The following MACROD2 variants were observed in gnomAD, a reference collection of about 807,000 sequenced individuals.
MACROD2 encodes the protein mono-ADP ribosylhydrolase 2.
MACROD2 carries 36 observed loss-of-function variants against 70.4 expected under a neutral mutation model. The ratio of observed to expected loss-of-function variants is 0.51; its 90% CI spans 0.39 to 0.68. The LOEUF is 0.68. MACROD2 is among the 30% of genes least tolerant of loss of function. The pLI, the probability that MACROD2 is intolerant of heterozygous loss-of-function variation, is 0.00. For synonymous variants in MACROD2, 172 were observed against 178.8 expected, an observed-to-expected ratio of 0.96 and a Z score of 0.30; for missense variants, 496 against 538.4, an observed-to-expected ratio of 0.92 and a Z score of 0.78.
At chr20:15,753,434 A>G (rs1049111043) in intron 8 of MACROD2, among the ~76,000 whole-genome samples, 6 of 152,206 alleles carry the variant, frequency 3.9e-5, no homozygotes, top group Non-Finnish European at 8.8e-5. Flanking sequence ...ATGTTGCTGC[A>G]AAGTACAAGA....
At position 15,217,693 on chromosome 20, in the gene MACROD2, C is replaced by T. The variant is rs6043139; in HGVS notation, c.419-12247C>T. Among the ~76,000 whole-genome samples, 1,386 of 152,130 alleles carry T rather than the reference C, an allele frequency of 9.1e-3. 27 individuals carry two copies. Among genetic ancestry groups the T allele is most frequent in the African/African-American group, 0.03 (1,265 of 41,490 alleles). Reference sequence around the variant, plus strand: ...CACAACCCCATTTCTAAATAAAGAACGAAAATTGTTATTAATTGACCTGCA... The same window carrying T: ...CACAACCCCATTTCTAAATAAAGAATGAAAATTGTTATTAATTGACCTGCA... On this transcript the variant is annotated intron_variant, in intron 5 of 17. Transcript: ENST00000684519.
intron 10 of MACROD2, among the ~76,000 whole-genome samples, chr20:15,918,344 C>T (rs2065350965): frequency 6.6e-6 from 1 of 152,008 alleles, no homozygotes; most frequent in Non-Finnish European, 1.5e-5. Context: ...ATTTACTTGC[C>T]ATTTATTTGA....
At chr20:15,233,340 C>A (rs1050395664) in intron 6 of MACROD2, among the ~76,000 whole-genome samples, 1 of 151,820 alleles carries the variant, frequency 6.6e-6, no homozygotes, top group Non-Finnish European at 1.5e-5. Flanking sequence ...AGCACCTTAG[C>A]CTGGGGGAGG....
Position 14,970,628 on chromosome 20 carries a change from A to C in MACROD2, c.419-259312A>C, listed in dbSNP as rs2074681937. ...TTAATGCAATTTATTTATTTGATTAAATTTTTTAAAAAATTTATTTAGTCA... is the reference window on the plus strand; with the variant it reads ...TTAATGCAATTTATTTATTTGATTACATTTTTTAAAAAATTTATTTAGTCA... On this transcript the variant is annotated intron_variant, in intron 5 of 17. Transcript: ENST00000684519. Among the ~76,000 whole-genome samples the C allele has an allele frequency of 1.3e-5, 2 of 151,594 alleles. 1 individual carries two copies. The highest frequency in any genetic ancestry group is 2.9e-5 in the Non-Finnish European group (2 of 68,020).
intron 8 of MACROD2, among the ~76,000 whole-genome samples, chr20:15,762,222 T>G (rs2051447216): frequency 6.6e-6 from 1 of 152,200 alleles, no homozygotes; most frequent in African/African-American, 2.4e-5. Flanking sequence ...TCATACATTT[T>G]TTCAGTAATC....
intron 2 of MACROD2, among the ~76,000 whole-genome samples, chr20:14,008,650 C>G (rs772642749): frequency 3.9e-5 from 6 of 151,998 alleles, no homozygotes; most frequent in Non-Finnish European, 7.4e-5. Flanking sequence ...AAAAAGAGCC[C>G]AAATAGCCAA....
chr20:14,802,751 T>A (rs2072592510), intron 5 of MACROD2, among the ~76,000 whole-genome samples: 1 of 141,496 alleles, frequency 7.1e-6, no homozygotes, highest in South Asian at 2.3e-4. Context: ...TTTGTATTTC[T>A]CTTAACAAGC....
chr20:15,908,910 T>G (rs80105563), intron 10 of MACROD2, among the ~76,000 whole-genome samples: 2,051 of 152,340 alleles, frequency 0.013, 44 homozygotes, highest in African/African-American at 0.046. Context: ...AAGTTAGTGA[T>G]CTTAGCTGGC....
intron 5 of MACROD2, among the ~76,000 whole-genome samples, chr20:15,163,305 A>G (rs969399135): frequency 3.4e-5 from 4 of 118,424 alleles, no homozygotes; most frequent in Non-Finnish European, 5.5e-5. Context: ...ACTATTCAGG[A>G]AAAAAAAAGA....
At chr20:15,082,619 T>C (rs1227086709) in intron 5 of MACROD2, among the ~76,000 whole-genome samples, 2 of 149,064 alleles carry the variant, frequency 1.3e-5, no homozygotes, top group Non-Finnish European at 3.0e-5. Context: ...TATTTCTGCA[T>C]TGATCATTTT....
At chr20:15,447,191 T>C (rs1485722314) in intron 7 of MACROD2, among the ~76,000 whole-genome samples, 2 of 151,890 alleles carry the variant, frequency 1.3e-5, no homozygotes, top group African/African-American at 4.8e-5. Context: ...GGAATTGTGG[T>C]GAGCATGGGA....
chr20:15,839,704 C>T (rs901144390), intron 8 of MACROD2, among the ~76,000 whole-genome samples: 3 of 152,004 alleles, frequency 2.0e-5, no homozygotes, highest in African/African-American at 7.3e-5. Flanking sequence ...AATGAAAATC[C>T]CAGATATTTG....
intron 5 of MACROD2, among the ~76,000 whole-genome samples, chr20:14,945,565 G>T (rs1400890018): frequency 1.3e-5 from 2 of 152,066 alleles, no homozygotes; most frequent in Non-Finnish European, 2.9e-5. Context: ...TACCTTCCTT[G>T]CTAAATAACA....
chr20:14,291,565 T>C (rs895549682), intron 3 of MACROD2, among the ~76,000 whole-genome samples: 3 of 151,918 alleles, frequency 2.0e-5, no homozygotes, highest in Non-Finnish European at 2.9e-5. Context: ...ATAAGTATTA[T>C]GTATTTGCCA....
chr20:14,831,644 G>C (rs1338525086), intron 5 of MACROD2, among the ~76,000 whole-genome samples: 1 of 151,604 alleles, frequency 6.6e-6, no homozygotes, highest in African/African-American at 2.4e-5. Context: ...GCCAGGTGTG[G>C]TGGCGGGCGC....
In MACROD2 at chr20:14,247,506, T is replaced by G. The variant is rs527496450; in HGVS notation, c.271+161778T>G. Among the ~76,000 whole-genome samples the G allele has an allele frequency of 7.9e-5, 12 of 152,350 alleles. No individual in the cohort carries two copies. In the South Asian group the frequency reaches 2.1e-3, roughly 26 times the overall value. On this transcript the variant is annotated intron_variant, in intron 3 of 17. Transcript: ENST00000684519. The stretch of plus-strand genomic sequence containing the variant: ...GTCATTTCCTTTATTTTATTTAGCA[T>G]AGCCACATGTTATTTGGAGATAGAG...
At chr20:14,413,217 A>T (rs2122871181) in intron 3 of MACROD2, among the ~76,000 whole-genome samples, 2 of 150,702 alleles carry the variant, frequency 1.3e-5, no homozygotes, top group South Asian at 4.2e-4. Flanking sequence ...GTCTCCTTAA[A>T]TATGTACGTG....
chr20:15,186,081 C>T (rs2076532651), intron 5 of MACROD2, among the ~76,000 whole-genome samples: 1 of 152,150 alleles, frequency 6.6e-6, no homozygotes, highest in South Asian at 2.1e-4. Flanking sequence ...TGCCTGAAAA[C>T]CTGCCTTTAT....
At chr20:15,166,643 C>A (rs1456172036) in intron 5 of MACROD2, among the ~76,000 whole-genome samples, 2 of 151,878 alleles carry the variant, frequency 1.3e-5, no homozygotes, top group African/African-American at 4.8e-5. Flanking sequence ...ACAATCTATG[C>A]ATTTTTTTAA....
Sources: allele counts gnomAD v4.1 joint callset (sites outside exome capture counted in the v4.1 genomes callset), GRCh38; gene constraint gnomAD v4.1.1; transcripts MANE v1.5; gene names NCBI Gene and HGNC (gene_info 2026-07-23, HGNC 2026-07-21).